Variants in PACSIN1 observed in about 807,000 individuals in gnomAD.
PACSIN1 encodes the protein protein kinase C and casein kinase substrate in neurons protein 1.
A neutral mutation model predicts 59.5 loss-of-function variants in PACSIN1; 15 were observed. The observed-to-expected ratio is 0.25, with a 90% confidence interval of 0.17 to 0.39. The LOEUF is 0.39. Among genes scored for constraint, PACSIN1 ranks in the 10% least tolerant of loss-of-function variants. The pLI, the probability that PACSIN1 is intolerant of heterozygous loss-of-function variation, is 1.00. For missense variants in PACSIN1, 420 were observed against 580.2 expected, an observed-to-expected ratio of 0.72 and a Z score of 2.84; for synonymous variants, 210 against 220.6, an observed-to-expected ratio of 0.95 and a Z score of 0.42.
Position 34,467,463 on chromosome 6 carries a change from G to A in PACSIN1, c.-64+1193G>A, listed in dbSNP as rs146869387. Among the ~76,000 whole-genome samples, 3 of 152,226 alleles carry A rather than the reference G, an allele frequency of 2.0e-5. No individual in the cohort carries two copies. In the East Asian group the frequency reaches 5.8e-4, roughly 29 times the overall value. On this transcript the variant is annotated intron_variant, in intron 1 of 9. Transcript: ENST00000244458. ...AAATAGCTGGCAACCTGAGGGAGGG[G>A]GTCGAGCCCCTTCTTGGGCTTTCTC...
At chr6:34,519,909 C>T (rs1429749824) in intron 1 of PACSIN1, among the ~76,000 whole-genome samples, 2 of 152,132 alleles carry the variant, frequency 1.3e-5, no homozygotes, top group South Asian at 4.1e-4. Context: ...CAGCAGGTTG[C>T]CACTCCTGAA....
At chr6:34,527,089 A>G (rs1337758144) in intron 2 of PACSIN1, among the ~76,000 whole-genome samples, 1 of 150,990 alleles carries the variant, frequency 6.6e-6, no homozygotes, top group Non-Finnish European at 1.5e-5. Context: ...TCATGTTTAA[A>G]TTGGGGTGAG....
intron 1 of PACSIN1, among the ~76,000 whole-genome samples, chr6:34,478,881 G>A (rs1449263115): frequency 6.6e-6 from 1 of 152,184 alleles, no homozygotes; most frequent in South Asian, 2.1e-4. Context: ...AGGCTGAGAA[G>A]TCCAAGCAGC....
chr6:34,513,338 CT>C (rs1767235384), intron 1 of PACSIN1, among the ~76,000 whole-genome samples: 1 of 152,126 alleles, frequency 6.6e-6, no homozygotes. Context: ...TTTGTGGTGG[CT>C]TCTGGTTCCT....
At chr6:34,522,581 T>C (rs1767412603) in intron 1 of PACSIN1, among the ~76,000 whole-genome samples, 1 of 151,928 alleles carries the variant, frequency 6.6e-6, no homozygotes, top group African/African-American at 2.4e-5. Context: ...GATGGATAGA[T>C]AGGTAGGTAG....
At chr6:34,506,851 A>AC (rs553981663) in intron 1 of PACSIN1, among the ~76,000 whole-genome samples, 204 of 152,142 alleles carry the variant, frequency 1.3e-3, no homozygotes, top group African/African-American at 4.7e-3. Context: ...AGGGAGGGGC[A>AC]CCTTGTTATT....
intron 1 of PACSIN1, among the ~76,000 whole-genome samples, chr6:34,483,001 CTTTT>C (rs34111587): frequency 2.7e-5 from 3 of 112,016 alleles, no homozygotes; most frequent in Non-Finnish European, 5.2e-5. Context: ...CCATGTTTAA[CTTTT>C]TTTTTTTTTT....
intron 3 of PACSIN1, chr6:34,527,773 C>T (rs1200051997): frequency 3.7e-6 from 1 of 267,544 alleles, no homozygotes; most frequent in Non-Finnish European, 7.0e-6. Context: ...ATACCCTTCC[C>T]CCAGGCTCAC....
Position 34,514,034 on chromosome 6 carries a change from C to T in PACSIN1, c.-63-12209C>T, listed in dbSNP as rs569716972. Among the ~76,000 whole-genome samples the T allele has an allele frequency of 1.1e-4, 17 of 152,230 alleles. No individual in the cohort carries two copies. Among genetic ancestry groups the T allele is most frequent in the South Asian group, 4.2e-4 (2 of 4,818 alleles). On this transcript the variant is annotated intron_variant, in intron 1 of 9. Coordinates refer to ENST00000244458, the MANE Select transcript of PACSIN1 (RefSeq NM_020804.5). The surrounding 1 kb of genome is among the most constrained non-coding windows in gnomAD (Gnocchi z 4.4). The stretch of plus-strand genomic sequence containing the variant: ...TGTGTGCACGTGTCTTAAAGATGTG[C>T]GTATGCTGATATTAGTGTCACAGTT...
chr6:34,514,312 C>G lies in PACSIN1; in HGVS notation c.-63-11931C>G, dbSNP rs889577545. On this transcript the variant is annotated intron_variant, in intron 1 of 9. Transcript: ENST00000244458. The surrounding 1 kb of genome is among the most constrained non-coding windows in gnomAD (Gnocchi z 4.4). ...ACAGCTAGCCCAGGAACCTTGGACT[C>G]TCCAATTCTTTTACAGCTGTGGCCC... 6.6e-6 allele frequency among the ~76,000 whole-genome samples: 1 copy of G among 151,960 alleles called. No individual in the cohort carries two copies. Among genetic ancestry groups the G allele is most frequent in the Non-Finnish European group, 1.5e-5 (1 of 67,992 alleles).
intron 1 of PACSIN1, among the ~76,000 whole-genome samples, chr6:34,503,247 C>G (rs1767051721): frequency 7.2e-6 from 1 of 139,406 alleles, no homozygotes; most frequent in South Asian, 2.2e-4. Flanking sequence ...CCAGCCTCAG[C>G]ATCAGAGCGA....
chr6:34,501,907 C>T (rs1238512625), intron 1 of PACSIN1, among the ~76,000 whole-genome samples: 1 of 151,780 alleles, frequency 6.6e-6, no homozygotes, highest in Non-Finnish European at 1.5e-5. Flanking sequence ...TGGCGCACAA[C>T]TGTAATCCCA....
chr6:34,472,548 G>C (rs1489830386), intron 1 of PACSIN1, among the ~76,000 whole-genome samples: 5 of 152,072 alleles, frequency 3.3e-5, no homozygotes, highest in Admixed American at 3.3e-4. Flanking sequence ...TGATGATACT[G>C]GGAATTTTTT....
chr6:34,478,360 A>G (rs1766668664), intron 1 of PACSIN1, among the ~76,000 whole-genome samples: 1 of 121,478 alleles, frequency 8.2e-6, no homozygotes, highest in East Asian at 2.4e-4. Flanking sequence ...CGCCGAGCCT[A>G]TTTATCTTCT....
chr6:34,509,517 T>C (rs976102625), intron 1 of PACSIN1, among the ~76,000 whole-genome samples: 2 of 152,224 alleles, frequency 1.3e-5, no homozygotes, highest in African/African-American at 4.8e-5. Flanking sequence ...CCTCCAGCTT[T>C]GTTCTTCTCA....
At chr6:34,470,914 A>T (rs1037184232) in intron 1 of PACSIN1, among the ~76,000 whole-genome samples, 16 of 152,140 alleles carry the variant, frequency 1.1e-4, no homozygotes, top group Admixed American at 4.6e-4. Flanking sequence ...TGAAATTCAG[A>T]TTTAACTAGG....
At chr6:34,523,002 C>T (rs73746674) in intron 1 of PACSIN1, among the ~76,000 whole-genome samples, 91 of 152,326 alleles carry the variant, frequency 6.0e-4, no homozygotes, top group East Asian at 2.1e-3. Flanking sequence ...GGCCTCTTCC[C>T]GAAACACCCT....
chr6:34,487,889 G>A (rs1337399812), intron 1 of PACSIN1, among the ~76,000 whole-genome samples: 1 of 152,164 alleles, frequency 6.6e-6, no homozygotes, highest in African/African-American at 2.4e-5. Context: ...AGCATCCACT[G>A]CAGCCTGCCC....
At position 34,531,159 on chromosome 6, in the gene PACSIN1, A is replaced by G. The variant is rs1581989285; in HGVS notation, c.1038-441A>G. Reference sequence around the variant, plus strand: ...TGTGGCACGGTTCTATGCACTTTCCATATGTTAACTCATTCATGCTCAAGT... The same window carrying G: ...TGTGGCACGGTTCTATGCACTTTCCGTATGTTAACTCATTCATGCTCAAGT... On this transcript the variant is annotated intron_variant, in intron 8 of 9. Transcript: ENST00000244458. This position sits in a 1 kb window ranked among gnomAD's most constrained non-coding sequence, Gnocchi z 4.4. 1.3e-5 allele frequency among the ~76,000 whole-genome samples: 2 copies of G among 152,182 alleles called. No homozygotes were observed. The highest frequency in any genetic ancestry group is 1.5e-5 in the Non-Finnish European group (1 of 68,022).
Sources: gnomAD v4.1 joint callset for allele counts (sites outside exome capture counted in the v4.1 genomes callset) on GRCh38, gnomAD v4.1.1 for gene constraint, Gnocchi (gnomAD v3.1) non-coding constraint, MANE v1.5 for transcripts, NCBI Gene and HGNC (gene_info 2026-07-23, HGNC 2026-07-21) for gene names.